Variants in ARHGEF10 observed in about 807,000 individuals in gnomAD.
The protein encoded by ARHGEF10 is Rho guanine nucleotide exchange factor (GEF) 10.
Under a neutral mutation model 147.4 loss-of-function variants are expected in ARHGEF10, and 140 were observed. The ratio of observed to expected loss-of-function variants is 0.95; its 90% CI spans 0.83 to 1.09. ARHGEF10 has a LOEUF of 1.09. Among genes scored for constraint, ARHGEF10 ranks in the 50% least tolerant of loss-of-function variants. ARHGEF10 has a pLI of 0.00. For missense variants in ARHGEF10, 2,222 were observed against 1,752.7 expected (o/e 1.27, Z -4.78); for synonymous variants, 902 against 695.8 (o/e 1.30, Z -4.67).
chr8:1,826,277 T>C (rs1802762490), intron 1 of ARHGEF10: 3 of 783,868 alleles, frequency 3.8e-6, no homozygotes, highest in Non-Finnish European at 6.4e-6. Flanking sequence ...TAACCACATT[T>C]GTCTTCTGGG....
At chr8:1,947,885 G>C (rs1273356848) in intron 27 of ARHGEF10, among the ~76,000 whole-genome samples, 1 of 151,738 alleles carries the variant, frequency 6.6e-6, no homozygotes, top group East Asian at 1.9e-4. Context: ...TCCTGTAGAA[G>C]AGAAAGATGG....
At chr8:1,833,994 A>T (rs1803428625) in intron 1 of ARHGEF10, among the ~76,000 whole-genome samples, 1 of 152,152 alleles carries the variant, frequency 6.6e-6, no homozygotes, top group South Asian at 2.1e-4. Context: ...AAGCAGACAC[A>T]TGCAGCTCCA....
chr8:1,832,159 G>A (rs1002524299), intron 1 of ARHGEF10, among the ~76,000 whole-genome samples: 3 of 152,186 alleles, frequency 2.0e-5, no homozygotes, highest in African/African-American at 7.2e-5. Context: ...AGCTGCAGTC[G>A]AATCACCACG....
chr8:1,856,774 G>T (rs191900398), intron 2 of ARHGEF10, among the ~76,000 whole-genome samples: 120 of 152,302 alleles, frequency 7.9e-4, no homozygotes, highest in African/African-American at 2.5e-3. Flanking sequence ...GCTCTGTCCC[G>T]AGGTGCCACC....
At position 1,958,353 on chromosome 8, in the gene ARHGEF10, T is replaced by C. The variant is rs1815740642; in HGVS notation, c.*1090T>C. The C allele has an allele frequency of 6.6e-6, 1 of 152,156 alleles. No homozygotes were observed. Among genetic ancestry groups the C allele is most frequent in the Admixed American group, 6.6e-5 (1 of 15,266 alleles). The allele number at this position is 152,156 out of a possible 1,614,324, so 9.4% of individuals were successfully genotyped here. On this transcript the variant is annotated 3_prime_UTR_variant, in exon 29 of 29. Transcript: ENST00000349830. Reference sequence around the variant, plus strand: ...CCCGCGTGAGAACGTGCATAATGAGTGCACACCATCATGTCAAGGTGCATA... The same window carrying C: ...CCCGCGTGAGAACGTGCATAATGAGCGCACACCATCATGTCAAGGTGCATA...
intron 2 of ARHGEF10, among the ~76,000 whole-genome samples, chr8:1,848,223 G>A (rs535603815): frequency 6.6e-6 from 1 of 152,222 alleles, no homozygotes; most frequent in East Asian, 1.9e-4. Context: ...AGGTACGCGG[G>A]GTCCTCCGTC....
chr8:1,892,004 A>G (rs1434697982), intron 11 of ARHGEF10, among the ~76,000 whole-genome samples: 2 of 148,786 alleles, frequency 1.3e-5, no homozygotes, highest in East Asian at 3.9e-4. Flanking sequence ...CATATCAATA[A>G]TATATATAGT....
intron 7 of ARHGEF10, among the ~76,000 whole-genome samples, chr8:1,872,054 G>C (rs1292134169): frequency 2.6e-5 from 4 of 152,102 alleles, no homozygotes; most frequent in African/African-American, 9.7e-5. Flanking sequence ...AGAAAGAGGG[G>C]AGAGGGATGG....
intron 2 of ARHGEF10, among the ~76,000 whole-genome samples, chr8:1,853,601 G>A (rs1204620995): frequency 6.6e-6 from 1 of 152,248 alleles, no homozygotes. Context: ...AGTGTTGTGG[G>A]AACCGACCCA....
chr8:1,937,100 T>A lies in ARHGEF10; in HGVS notation c.3222+3158T>A, dbSNP rs1813678557. On this transcript the variant is annotated intron_variant, in intron 26 of 28. Transcript: ENST00000349830. The surrounding 1 kb of genome is among the most constrained non-coding windows in gnomAD (Gnocchi z 4.9). ...CGACGTCCTTCGAGACCTGGTCTGC[T>A]AGACAGGAACAGAAAATAGCTGGAC... Among the ~76,000 whole-genome samples the A allele has an allele frequency of 6.6e-6, 1 of 152,222 alleles. No homozygotes were observed. Among genetic ancestry groups the A allele is most frequent in the Non-Finnish European group, 1.5e-5 (1 of 68,040 alleles).
In ARHGEF10 at chr8:1,958,267, G is replaced by A. The variant is rs759006036; in HGVS notation, c.*1004G>A. 3 of 152,256 alleles carry A rather than the reference G, an allele frequency of 2.0e-5. No individual in the cohort carries two copies. The highest frequency in any genetic ancestry group is 2.9e-5 in the Non-Finnish European group (2 of 68,056). The allele number at this position is 152,256 out of a possible 1,614,324, so 9.4% of individuals were successfully genotyped here. A position where few individuals can be genotyped will look rare whatever the true frequency, so the allele number is the denominator to read the frequency against. ...GGCGTGACCTCGGGCCAGCCTGTCT[G>A]TTGTGCAGACGCCTCCTCTGCAGAA... is the stretch of plus-strand genomic sequence containing the variant. On this transcript the variant is annotated 3_prime_UTR_variant, in exon 29 of 29. Coordinates refer to ENST00000349830, the MANE Select transcript of ARHGEF10 (RefSeq NM_014629.4).
At chr8:1,879,441 C>G (rs1340652367) in intron 8 of ARHGEF10, among the ~76,000 whole-genome samples, 1 of 152,152 alleles carries the variant, frequency 6.6e-6, no homozygotes, top group Non-Finnish European at 1.5e-5. Context: ...AATGATTTCA[C>G]AGATATTTTG....
intron 2 of ARHGEF10, among the ~76,000 whole-genome samples, chr8:1,849,274 T>C (rs1804790629): frequency 6.6e-6 from 1 of 150,608 alleles, no homozygotes; most frequent in Admixed American, 6.6e-5. Flanking sequence ...GAGAAGGGCG[T>C]AGGGCGGCCG....
rs529451244 is a variant in ARHGEF10, at chr8:1,958,472, A to G, written c.*1209A>G. The stretch of plus-strand genomic sequence containing the variant: ...AATCCTAACACAGGCAGGCACCAGA[A>G]ATAAATGTCTCAGCACTTTACAGAT... On this transcript the variant is annotated 3_prime_UTR_variant, in exon 29 of 29. Coordinates refer to ENST00000349830, the MANE Select transcript of ARHGEF10 (RefSeq NM_014629.4). The G allele has an allele frequency of 2.0e-5, 3 of 152,354 alleles. No homozygotes were observed. Among genetic ancestry groups the G allele is most frequent in the Admixed American group, 6.5e-5 (1 of 15,306 alleles). 9.4% of individuals were successfully genotyped at this position (152,354 alleles called of 1,614,324 possible).
At chr8:1,869,475 A>C (rs2129093529) in intron 7 of ARHGEF10, 2 of 657,304 alleles carry the variant, frequency 3.0e-6, no homozygotes, top group South Asian at 1.6e-5. Flanking sequence ...TACTTATCCC[A>C]AGCAAACAGA....
intron 7 of ARHGEF10, 196 bp downstream of exon 7, chr8:1,869,446 A>C (rs568134310): frequency 1.1e-5 from 8 of 695,754 alleles, no homozygotes; most frequent in Non-Finnish European, 2.1e-5. Context: ...ATAACCCTTG[A>C]AATAGGGCAG....
chr8:1,892,291 G>GTGTGTGTGTGTT (rs1809599552), intron 11 of ARHGEF10, among the ~76,000 whole-genome samples: 3 of 148,728 alleles, frequency 2.0e-5, no homozygotes, highest in African/African-American at 7.4e-5. Flanking sequence ...GTGTGTGTGT[G>GTGTGTGTGTGTT]TGTGTGTGTG....
chr8:1,892,277 C>CTGTGTGTA (rs1809594227), intron 11 of ARHGEF10, among the ~76,000 whole-genome samples: 1 of 126,600 alleles, frequency 7.9e-6, no homozygotes, highest in Admixed American at 8.0e-5. Context: ...GCTTCTGGCT[C>CTGTGTGTA]TGTGTGTGTG....
chr8:1,873,329 A>G (rs1048478537), intron 7 of ARHGEF10, among the ~76,000 whole-genome samples: 2 of 152,218 alleles, frequency 1.3e-5, no homozygotes, highest in Admixed American at 6.5e-5. Context: ...AAACGAGGAA[A>G]TTATATGTGT....
Sources: allele counts gnomAD v4.1 joint callset (sites outside exome capture counted in the v4.1 genomes callset), GRCh38; gene constraint gnomAD v4.1.1; non-coding constraint Gnocchi (gnomAD v3.1); transcripts MANE v1.5; gene names NCBI Gene and HGNC (gene_info 2026-07-23, HGNC 2026-07-21).